RBMS3: variants seen among roughly 807,000 people sequenced by gnomAD.
The protein encoded by RBMS3 is RNA-binding motif, single-stranded-interacting protein 3.
A neutral mutation model predicts 66.8 loss-of-function variants in RBMS3; 27 were observed. That is an observed-to-expected ratio of 0.40 (90% CI 0.30 to 0.56). The LOEUF (loss-of-function observed/expected upper bound fraction) is 0.56. RBMS3 is among the 20% of genes least tolerant of loss of function. The probability of loss-of-function intolerance (pLI) is 0.40; values close to 1 mark genes in which losing one functional copy is unlikely to be tolerated. For missense variants in RBMS3, 513 were observed against 549.5 expected (o/e 0.93, Z 0.66); for synonymous variants, 188 against 183.0 (o/e 1.03, Z -0.22).
At chr3:29,701,880 G>A (rs1180728930) in intron 4 of RBMS3, among the ~76,000 whole-genome samples, 1 of 146,288 alleles carries the variant, frequency 6.8e-6, no homozygotes, top group South Asian at 2.1e-4. Context: ...CCTGCTCCAC[G>A]GCGCCGCCCG....
intron 1 of RBMS3, among the ~76,000 whole-genome samples, chr3:29,387,748 A>AAAATAAAT (rs61674233): frequency 6.6e-6 from 1 of 151,848 alleles, no homozygotes; most frequent in East Asian, 1.9e-4. Flanking sequence ...TAAAAAATAC[A>AAAATAAAT]AAATAAATAA....
At chr3:29,575,844 T>A (rs528748980) in intron 3 of RBMS3, among the ~76,000 whole-genome samples, 1 of 152,242 alleles carries the variant, frequency 6.6e-6, no homozygotes, top group African/African-American at 2.4e-5. Context: ...TTCTGCTTGA[T>A]TCTTTTAAAT....
intron 4 of RBMS3, among the ~76,000 whole-genome samples, chr3:29,604,238 A>G (rs1031351821): frequency 6.6e-6 from 1 of 151,986 alleles, no homozygotes; most frequent in Non-Finnish European, 1.5e-5. Flanking sequence ...AACTAGCAAT[A>G]TAATTGTGAG....
intron 4 of RBMS3, among the ~76,000 whole-genome samples, chr3:29,667,711 A>C (rs1341704047): frequency 6.6e-6 from 1 of 152,206 alleles, no homozygotes; most frequent in African/African-American, 2.4e-5. Flanking sequence ...TATTTGTTGA[A>C]GAAATGAAGC....
At chr3:29,572,265 T>C (rs2046975707) in intron 3 of RBMS3, among the ~76,000 whole-genome samples, 1 of 152,148 alleles carries the variant, frequency 6.6e-6, no homozygotes, top group Non-Finnish European at 1.5e-5. Context: ...ATGCCCTTTA[T>C]TTCTTCCTTT....
intron 10 of RBMS3, among the ~76,000 whole-genome samples, chr3:29,923,762 T>C (rs1199248518): frequency 1.3e-5 from 2 of 152,056 alleles, no homozygotes; most frequent in Non-Finnish European, 2.9e-5. Context: ...ATGTTTTTTT[T>C]TATAGAAGTT....
At chr3:29,990,169 T>TAATA (rs1207242552) in intron 13 of RBMS3, among the ~76,000 whole-genome samples, 1 of 148,676 alleles carries the variant, frequency 6.7e-6, no homozygotes, top group Non-Finnish European at 1.5e-5. Context: ...AAAAAATAAA[T>TAATA]AATACCAAAT....
chr3:29,596,448 A>G (rs2047945282), intron 4 of RBMS3, among the ~76,000 whole-genome samples: 1 of 152,220 alleles, frequency 6.6e-6, no homozygotes, highest in Non-Finnish European at 1.5e-5. Context: ...GGAATAAAGG[A>G]GATTATTTCT....
chr3:29,319,756 T>A (rs2125487386), intron 1 of RBMS3, among the ~76,000 whole-genome samples: 1 of 152,130 alleles, frequency 6.6e-6, no homozygotes, highest in South Asian at 2.1e-4. Flanking sequence ...TGGGCAGTAT[T>A]CTCCCAGATC....
intron 3 of RBMS3, among the ~76,000 whole-genome samples, chr3:29,495,810 C>T (rs1012888692): frequency 1.3e-5 from 2 of 152,092 alleles, no homozygotes; most frequent in African/African-American, 4.8e-5. Context: ...AATTACAGGA[C>T]ATGAGGTATC....
intron 4 of RBMS3, among the ~76,000 whole-genome samples, chr3:29,680,681 C>G (rs148701613): frequency 6.6e-6 from 1 of 152,292 alleles, no homozygotes; most frequent in African/African-American, 2.4e-5. Flanking sequence ...ACTGCCTTAA[C>G]TCTACAATGA....
chr3:29,342,564 T>C (rs182109726), intron 1 of RBMS3, among the ~76,000 whole-genome samples: 2 of 152,278 alleles, frequency 1.3e-5, no homozygotes, highest in African/African-American at 4.8e-5. Flanking sequence ...AATTTAAAGC[T>C]TGGATCGTGA....
At chr3:29,393,734 T>C (rs896092292) in intron 1 of RBMS3, among the ~76,000 whole-genome samples, 28 of 152,020 alleles carry the variant, frequency 1.8e-4, no homozygotes, top group African/African-American at 2.4e-5. Flanking sequence ...AAGAGAGAAA[T>C]TTTACAGCTG....
At chr3:29,734,408 T>C (rs949887453) in intron 4 of RBMS3, among the ~76,000 whole-genome samples, 11 of 152,138 alleles carry the variant, frequency 7.2e-5, no homozygotes, top group African/African-American at 2.7e-4. Context: ...GCTTGAATGT[T>C]CCCAACACAA....
chr3:29,369,827 G>A (rs2038104551), intron 1 of RBMS3, among the ~76,000 whole-genome samples: 1 of 152,016 alleles, frequency 6.6e-6, no homozygotes, highest in Non-Finnish European at 1.5e-5. Context: ...TTTAAAGGCA[G>A]CCATTTTTAT....
intron 4 of RBMS3, among the ~76,000 whole-genome samples, chr3:29,662,097 A>T (rs1202607895): frequency 6.6e-6 from 1 of 152,220 alleles, no homozygotes; most frequent in African/African-American, 2.4e-5. Context: ...GGGAGGAAAA[A>T]TAGTCTGTAC....
At chr3:29,673,988 G>A (rs1433139637) in intron 4 of RBMS3, among the ~76,000 whole-genome samples, 2 of 152,210 alleles carry the variant, frequency 1.3e-5, no homozygotes, top group South Asian at 2.1e-4. Context: ...GATGAACATC[G>A]ATGCAAAAAT....
intron 4 of RBMS3, among the ~76,000 whole-genome samples, chr3:29,608,932 A>G (rs1374877660): frequency 6.6e-6 from 1 of 151,970 alleles, no homozygotes; most frequent in Non-Finnish European, 1.5e-5. Flanking sequence ...AGTGTGGTTT[A>G]TGTATTCCTT....
At chr3:29,855,515 C>T (rs936177631) in intron 6 of RBMS3, among the ~76,000 whole-genome samples, 4 of 152,056 alleles carry the variant, frequency 2.6e-5, no homozygotes, top group Non-Finnish European at 5.9e-5. Flanking sequence ...TGCCAAGCTG[C>T]AATTACTATA....
Sources: gnomAD v4.1 joint callset for allele counts (sites outside exome capture counted in the v4.1 genomes callset) on GRCh38, gnomAD v4.1.1 for gene constraint, MANE v1.5 for transcripts, NCBI Gene and HGNC (gene_info 2026-07-23, HGNC 2026-07-21) for gene names.